PBX1: variants seen among roughly 807,000 people sequenced by gnomAD.
PBX1 encodes the protein PBX homeobox 1.
A neutral mutation model predicts 53.4 loss-of-function variants in PBX1; 6 were observed. That is an observed-to-expected ratio of 0.11 (90% CI 0.06 to 0.22). The LOEUF (loss-of-function observed/expected upper bound fraction) is 0.22, where lower values mean the gene tolerates loss of function less well. Among genes scored for constraint, PBX1 ranks in the 10% least tolerant of loss-of-function variants. The pLI is 1.00. For synonymous variants in PBX1, 204 were observed against 212.3 expected (o/e 0.96, Z 0.34); for missense variants, 251 against 551.4 (o/e 0.46, Z 5.46).
intron 2 of PBX1, among the ~76,000 whole-genome samples, chr1:164,656,801 A>G (rs1660193444): frequency 6.6e-6 from 1 of 152,166 alleles, no homozygotes; most frequent in Admixed American, 6.6e-5. Flanking sequence ...TGCTACAGGT[A>G]TTCTTATGTT....
intron 2 of PBX1, among the ~76,000 whole-genome samples, chr1:164,676,864 A>G (rs898176629): frequency 3.3e-5 from 5 of 152,170 alleles, no homozygotes; most frequent in Non-Finnish European, 5.9e-5. Context: ...ACCTAAAAGG[A>G]ATGACTGTTG....
At chr1:164,766,597 G>A (rs994425421) in intron 2 of PBX1, among the ~76,000 whole-genome samples, 2 of 151,940 alleles carry the variant, frequency 1.3e-5, no homozygotes, top group African/African-American at 2.4e-5. Flanking sequence ...CTTATCCCAC[G>A]CCCTCTGATT....
Position 164,821,558 on chromosome 1 carries a change from A to T in PBX1, c.1132A>T (p.Ile378Phe), listed in dbSNP as rs775324300. Reference protein sequence around the residue: ...QSQVDTLRHVISQTGGYSDGL... With the variant: ...QSQVDTLRHVFSQTGGYSDGL... ...TTAGGTGGATACCCTTCGCCATGTT[A>T]TCAGCCAGACAGGAGGATACAGTGA... Residue 378 changes from isoleucine (I) to phenylalanine (F), a missense_variant, in exon 8 of 9, where the codon ATC becomes TTC. This residue lies in a region of PBX1 where 92 missense variants were observed against 130.4 expected (regional missense o/e 0.71). Coordinates refer to ENST00000420696, the MANE Select transcript of PBX1 (RefSeq NM_002585.4). The T allele has an allele frequency of 6.2e-7, 1 of 1,614,048 alleles. No individual in the cohort carries two copies. The highest frequency in any genetic ancestry group is 8.5e-7 in the Non-Finnish European group (1 of 1,179,922).
At chr1:164,809,278 G>T (rs1210561518) in intron 5 of PBX1, among the ~76,000 whole-genome samples, 1 of 152,170 alleles carries the variant, frequency 6.6e-6, no homozygotes, top group East Asian at 1.9e-4. Context: ...ATCTGTTCCC[G>T]CAACCTTCAC....
At chr1:164,836,371 T>TA (rs1671039889) in intron 8 of PBX1, among the ~76,000 whole-genome samples, 1 of 152,030 alleles carries the variant, frequency 6.6e-6, no homozygotes, top group Non-Finnish European at 1.5e-5. Flanking sequence ...TGGGACTCTT[T>TA]AAAAAGAAAA....
intron 2 of PBX1, among the ~76,000 whole-genome samples, chr1:164,630,655 A>G (rs1423988217): frequency 6.6e-6 from 1 of 152,218 alleles, no homozygotes; most frequent in Non-Finnish European, 1.5e-5. Flanking sequence ...CAGATGTGGA[A>G]AATGAGCCCT....
intron 2 of PBX1, among the ~76,000 whole-genome samples, chr1:164,882,512 A>G (rs1044841617): frequency 2.0e-5 from 3 of 152,344 alleles, no homozygotes; most frequent in African/African-American, 4.8e-5. Flanking sequence ...TGAAAAGTCT[A>G]TAGTCCAAAT....
At chr1:164,814,301 A>G (rs963834810) in intron 6 of PBX1, 1 of 152,272 alleles carries the variant, frequency 6.6e-6, no homozygotes, top group Non-Finnish European at 1.5e-5. Context: ...TAAATTTTAA[A>G]TAAGAGGTTA....
chr1:164,637,842 C>A (rs1658875687), intron 2 of PBX1, among the ~76,000 whole-genome samples: 1 of 152,192 alleles, frequency 6.6e-6, no homozygotes, highest in South Asian at 2.1e-4. Context: ...ACAGAACAGG[C>A]TTTCTTCTCC....
chr1:164,639,847 A>G (rs1296218749), intron 2 of PBX1, among the ~76,000 whole-genome samples: 1 of 152,050 alleles, frequency 6.6e-6, no homozygotes, highest in African/African-American at 2.4e-5. Flanking sequence ...TATTTTTTGT[A>G]GAGATGAGGT....
At chr1:164,563,125 T>C (rs1571224174) in intron 1 of PBX1, 113 bp from the exon 2 acceptor site, 2 of 646,628 alleles carry the variant, frequency 3.1e-6, no homozygotes, top group East Asian at 5.4e-5. Context: ...TGCCACAGAG[T>C]TAGGGTTGGG....
At chr1:164,746,388 C>A (rs1210384386) in intron 2 of PBX1, among the ~76,000 whole-genome samples, 2 of 152,026 alleles carry the variant, frequency 1.3e-5, no homozygotes, top group African/African-American at 2.4e-5. Context: ...TCTTCTTCTT[C>A]TTCTTCAAGA....
At chr1:164,711,151 G>C (rs1014773508) in intron 2 of PBX1, among the ~76,000 whole-genome samples, 2 of 152,170 alleles carry the variant, frequency 1.3e-5, no homozygotes, top group African/African-American at 4.8e-5. Context: ...GAACAGGGTG[G>C]CTGCTGACTT....
Position 164,792,723 on chromosome 1 carries a change from G to A in PBX1, c.495G>A (p.Leu165=). The A allele has an allele frequency of 6.2e-7, 1 of 1,605,798 alleles. No homozygotes were observed. Among genetic ancestry groups the A allele is most frequent in the Non-Finnish European group, 8.5e-7 (1 of 1,174,366 alleles). ...SQIRQIYHTE[L]EKYEQACNEF... is the part of the protein sequence containing the mutation. ...TCAGACAAATCTACCATACGGAGCT[G>A]GAGAAATACGAGCAGGTAACCAGAA... The change falls in exon 3 of 9, where the codon CTG becomes CTA. Residue 165 remains leucine (L), a synonymous_variant. Transcript: ENST00000420696.
chr1:164,621,010 G>C (rs1657639000), intron 2 of PBX1, among the ~76,000 whole-genome samples: 1 of 151,156 alleles, frequency 6.6e-6, no homozygotes, highest in Non-Finnish European at 1.5e-5. Context: ...AATTTTTTGA[G>C]ATGGAGTCTT....
In PBX1 at chr1:164,601,007, C is replaced by T. The variant is rs538449674; in HGVS notation, c.265+37696C>T. ...ATCCCAGCACTTTGGGAGGCCGAGG[C>T]GGGCAGATCACCTGAGGTGTCAGGA... On this transcript the variant is annotated intron_variant, in intron 2 of 8. Transcript: ENST00000420696. Among the ~76,000 whole-genome samples the T allele has an allele frequency of 1.6e-3, 248 of 152,006 alleles. 2 individuals are homozygous for T. The highest frequency in any genetic ancestry group is 5.4e-3 in the African/African-American group (225 of 41,458).
At chr1:164,601,002 C>T (rs182351648) in intron 2 of PBX1, among the ~76,000 whole-genome samples, 146 of 152,058 alleles carry the variant, frequency 9.6e-4, no homozygotes, top group African/African-American at 3.3e-3. Context: ...TTTGGGAGGC[C>T]GAGGCGGGCA....
At chr1:164,587,461 A>G (rs1474107739) in intron 2 of PBX1, among the ~76,000 whole-genome samples, 3 of 152,000 alleles carry the variant, frequency 2.0e-5, no homozygotes, top group African/African-American at 7.2e-5. Context: ...TTGTCGGGTG[A>G]GGAGCCCTTT....
chr1:164,615,919 C>A (rs547000539), intron 2 of PBX1, among the ~76,000 whole-genome samples: 1 of 152,034 alleles, frequency 6.6e-6, no homozygotes, highest in Non-Finnish European at 1.5e-5. Context: ...CTGGAAGGGT[C>A]GCAGAGGTTA....
Sources: gnomAD v4.1 joint callset for allele counts (sites outside exome capture counted in the v4.1 genomes callset) on GRCh38, gnomAD v4.1.1 for gene constraint, gnomAD v4.1.1 regional missense constraint, MANE v1.5 for transcripts, NCBI Gene and HGNC (gene_info 2026-07-23, HGNC 2026-07-21) for gene names.